Variants in KIF17 observed in about 807,000 individuals in gnomAD.
KIF17 encodes the protein kinesin-like protein KIF17.
A neutral mutation model predicts 96.8 loss-of-function variants in KIF17; 80 were observed. The observed-to-expected ratio is 0.83, with a 90% CI of 0.69 to 1.00. The LOEUF is 1.00. KIF17 is among the 50% of genes least tolerant of loss of function. The pLI, the probability that KIF17 is intolerant of heterozygous loss-of-function variation, is 0.00. For missense variants in KIF17, 1,280 were observed against 1,372.9 expected (o/e 0.93, Z 1.07); for synonymous variants, 567 against 587.5 (o/e 0.97, Z 0.51).
intron 10 of KIF17, among the ~76,000 whole-genome samples, chr1:20,683,607 A>G (rs910562909): frequency 3.9e-5 from 6 of 152,086 alleles, no homozygotes; most frequent in South Asian, 2.1e-4. Flanking sequence ...GTGAGCCGAG[A>G]TCGCACCACT....
chr1:20,706,994 G>A (rs1438204304), intron 4 of KIF17, among the ~76,000 whole-genome samples: 1 of 152,168 alleles, frequency 6.6e-6, no homozygotes, highest in Non-Finnish European at 1.5e-5. Flanking sequence ...TACTCAGGAG[G>A]CTGAGGTGGG....
intron 11 of KIF17, among the ~76,000 whole-genome samples, chr1:20,682,314 A>G (rs915518475): frequency 6.6e-6 from 1 of 152,146 alleles, no homozygotes; most frequent in Non-Finnish European, 1.5e-5. Context: ...CAGGCACTTA[A>G]TAAGTGCTTT....
At chr1:20,666,070 A>T in intron 14 of KIF17, 144 bp downstream of exon 14, 1 of 745,580 alleles carries the variant, frequency 1.3e-6, no homozygotes, top group Non-Finnish European at 2.4e-6. Flanking sequence ...AGTTGGTGTT[A>T]CCCCCCTCAT....
intron 11 of KIF17, among the ~76,000 whole-genome samples, chr1:20,676,296 T>C (rs2154535366): frequency 6.6e-6 from 1 of 152,260 alleles, no homozygotes; most frequent in East Asian, 1.9e-4. Context: ...AAAATTTTCA[T>C]ATGGCAAAAA....
intron 13 of KIF17, 133 bp downstream of exon 13, chr1:20,670,288 C>A: frequency 1.2e-6 from 1 of 860,320 alleles, no homozygotes; most frequent in Non-Finnish European, 1.9e-6. Context: ...AAGGATCCAG[C>A]CTTGGCCCCT....
intron 13 of KIF17, among the ~76,000 whole-genome samples, chr1:20,668,443 T>A (rs1230354627): frequency 4.6e-5 from 7 of 152,254 alleles, no homozygotes; most frequent in Non-Finnish European, 1.5e-5. Flanking sequence ...TGCTTTGGTA[T>A]CTATCGCTTG....
Position 20,684,850 on chromosome 1 carries a change from ATCAG to A in KIF17, c.2186_2189del (p.Thr729MetfsTer34), listed in dbSNP as rs1189958196. 3 of 1,596,008 alleles carry A rather than the reference ATCAG, an allele frequency of 1.9e-6. No homozygotes were observed. In the South Asian group the frequency reaches 3.4e-5, roughly 18 times the overall value. ...GCTGGTCCACAACGGGCAGCGGGTCATCAGTCAGCACTGCCACCTCCATGCCCAC... is the reference window on the plus strand; with the variant it reads ...GCTGGTCCACAACGGGCAGCGGGTCATCAGCACTGCCACCTCCATGCCCAC... On this transcript the variant is annotated frameshift_variant, in exon 10 of 15. Coordinates refer to ENST00000400463, the MANE Select transcript of KIF17 (RefSeq NM_001122819.3). LOFTEE classifies it high-confidence loss of function.
Position 20,687,438 on chromosome 1 carries a change from C to T in KIF17, c.1888G>A (p.Val630Met), listed in dbSNP as rs150046748. ...EAKLARLSST[V>M]ARTDAPQADV... The stretch of plus-strand genomic sequence containing the variant: ...GCCTGGGGTGCATCTGTCCTGGCCA[C>T]GGTGGAGGAGAGTCTGGCCAGCTTG... Residue 630 changes from valine (V) to methionine (M), a missense_variant, in exon 8 of 15, where the codon GTG becomes ATG. Val to Met is a conservative substitution (Grantham distance 21). Transcript: ENST00000400463. This position sits in a 1 kb window ranked among gnomAD's most constrained non-coding sequence, Gnocchi z 4.4. The T allele has an allele frequency of 2.7e-5, 44 of 1,613,772 alleles. No homozygotes were observed. Among genetic ancestry groups the T allele is most frequent in the Admixed American group, 1.7e-4 (10 of 59,994 alleles).
At position 20,664,473 on chromosome 1, in the gene KIF17, C is replaced by T. The variant is rs993253770; in HGVS notation, c.*111G>A. 1 of 1,599,680 alleles carries T rather than the reference C, an allele frequency of 6.3e-7. No homozygotes were observed. ...GTCTTCCCAGGGCTGAGGGAGCCCT[C>T]AGGCCCCGGAGCGCTGTGTGGCAGG... is the stretch of plus-strand genomic sequence containing the variant. On this transcript the variant is annotated 3_prime_UTR_variant, in exon 15 of 15. Coordinates refer to ENST00000400463, the MANE Select transcript of KIF17 (RefSeq NM_001122819.3).
rs771757364 is a variant in KIF17, at chr1:20,704,890, C to T, written c.680G>A (p.Gly227Asp). 29 of 1,600,066 alleles carry T rather than the reference C, an allele frequency of 1.8e-5. No individual in the cohort carries two copies. Among genetic ancestry groups the T allele is most frequent in the Non-Finnish European group, 2.4e-5 (28 of 1,179,836 alleles). The stretch of plus-strand genomic sequence containing the variant: ...CTTGCCCGCCCGGAGGTGGTCCTTG[C>T]CCCGCTCATCTGCACACAGACCAGG... Reference protein sequence around the residue: ...SIEMSAVDERGKDHLRAGKLN... With the variant: ...SIEMSAVDERDKDHLRAGKLN... Residue 227 changes from glycine (G) to aspartate (D), a missense_variant, in exon 5 of 15, where the codon GGC becomes GAC. Gly to Asp is a moderately conservative substitution (Grantham distance 94). Transcript: ENST00000400463. The surrounding 1 kb of genome is among the most constrained non-coding windows in gnomAD (Gnocchi z 6.8).
At chr1:20,690,690 AT>A (rs764924838) in intron 6 of KIF17, among the ~76,000 whole-genome samples, 7,571 of 141,858 alleles carry the variant, frequency 0.053, 491 homozygotes, top group East Asian at 0.39. Flanking sequence ...GCAAAAAAAA[AT>A]TTTTTTTTTT....
chr1:20,698,057 G>A (rs904071760), intron 6 of KIF17, among the ~76,000 whole-genome samples: 15 of 152,134 alleles, frequency 9.9e-5, no homozygotes, highest in Admixed American at 2.0e-4. Flanking sequence ...TTCCATCAAT[G>A]CACAGCCACC....
At chr1:20,682,616 G>T in intron 11 of KIF17, 37 bp downstream of exon 11, 2 of 1,584,168 alleles carry the variant, frequency 1.3e-6, no homozygotes, top group South Asian at 1.1e-5. Flanking sequence ...ACCCATCTCT[G>T]GGCAGCTGGG....
At chr1:20,712,906 T>TATAATATAGATAATATC (rs1557607194) in intron 3 of KIF17, among the ~76,000 whole-genome samples, 4 of 104,090 alleles carry the variant, frequency 3.8e-5, no homozygotes, top group African/African-American at 1.2e-4. Flanking sequence ...ATTATCTATA[T>TATAATATAGATAATATC]TATATATATA....
Position 20,704,579 on chromosome 1 carries a change from G to A in KIF17, c.991C>T (p.Arg331Trp), listed in dbSNP as rs139912475. The A allele has an allele frequency of 2.6e-4, 420 of 1,614,062 alleles. No homozygotes were observed. Among genetic ancestry groups the A allele is most frequent in the Non-Finnish European group, 2.9e-4 (339 of 1,180,024 alleles). The change falls in exon 5 of 15, where the codon CGG (arginine) becomes TGG (tryptophan). Residue 331 changes from arginine to tryptophan, a missense_variant. Coordinates refer to ENST00000400463, the MANE Select transcript of KIF17 (RefSeq NM_001122819.3). This position sits in a 1 kb window ranked among gnomAD's most constrained non-coding sequence, Gnocchi z 6.8. ...ETLSTLRYAN[R>W]AKNIRNKPRI... ...GGCTTGTTCCTGATGTTCTTGGCCC[G>A]GTTGGCGTAGCGCAGCGTGCTGAGT... is the stretch of plus-strand genomic sequence containing the variant.
chr1:20,717,433 T>C (rs604645), intron 1 of KIF17, 43 bp downstream of exon 1: 1,144,956 of 1,603,594 alleles, frequency 0.71, 410,602 homozygotes, highest in East Asian at 0.87. Flanking sequence ...CGGGGCGGCC[T>C]CATGCCCTGC....
At chr1:20,667,726 G>C (rs2053552523) in intron 13 of KIF17, among the ~76,000 whole-genome samples, 1 of 152,218 alleles carries the variant, frequency 6.6e-6, no homozygotes, top group Non-Finnish European at 1.5e-5. Flanking sequence ...TGAAGACATA[G>C]GCCAGGAGCA....
At chr1:20,678,161 G>A (rs113579537) in intron 11 of KIF17, among the ~76,000 whole-genome samples, 45 of 152,178 alleles carry the variant, frequency 3.0e-4, no homozygotes, top group African/African-American at 1.1e-3. Flanking sequence ...ATGGTGGCAG[G>A]CAAAAGGAAA....
intron 5 of KIF17, among the ~76,000 whole-genome samples, chr1:20,703,181 G>GGACA (rs1553151995): frequency 8.3e-6 from 1 of 120,702 alleles, no homozygotes; most frequent in African/African-American, 3.5e-5. Flanking sequence ...ATGGATGAAT[G>GGACA]GATGGACGGA....
Sources: allele counts gnomAD v4.1 joint callset (sites outside exome capture counted in the v4.1 genomes callset), GRCh38; gene constraint gnomAD v4.1.1; non-coding constraint Gnocchi (gnomAD v3.1); transcripts MANE v1.5; gene names NCBI Gene and HGNC (gene_info 2026-07-23, HGNC 2026-07-21).